Variants in GABBR2 observed in about 807,000 individuals in gnomAD.
GABBR2 encodes the protein gamma-aminobutyric acid type B receptor subunit 2.
In GABBR2, 23 loss-of-function variants were observed where a neutral mutation model predicts 105.6. The ratio of observed to expected loss-of-function variants is 0.22; its 90% CI spans 0.16 to 0.31. The LOEUF (loss-of-function observed/expected upper bound fraction) is 0.31, where lower values mean the gene tolerates loss of function less well. GABBR2 is among the 10% of genes least tolerant of loss of function. The pLI, the probability that GABBR2 is intolerant of heterozygous loss-of-function variation, is 1.00. For missense variants in GABBR2, 734 were observed against 1,245.5 expected, an observed-to-expected ratio of 0.59 and a Z score of 6.18; for synonymous variants, 478 against 499.7, an observed-to-expected ratio of 0.96 and a Z score of 0.58.
At chr9:98,436,282 T>C (rs1588160010) in intron 7 of GABBR2, among the ~76,000 whole-genome samples, 1 of 49,358 alleles carries the variant, frequency 2.0e-5, no homozygotes, top group Non-Finnish European at 3.9e-5. Context: ...ACAACAACCA[T>C]ATATATATAT....
intron 13 of GABBR2, among the ~76,000 whole-genome samples, chr9:98,326,354 A>C (rs10760266): frequency 0.62 from 93,655 of 152,104 alleles, 29,536 homozygotes; most frequent in East Asian, 0.81. Flanking sequence ...GAAGTATTAG[A>C]CCTAATTTAC....
intron 7 of GABBR2, among the ~76,000 whole-genome samples, chr9:98,434,774 C>A (rs1158584567): frequency 6.6e-6 from 1 of 152,198 alleles, no homozygotes; most frequent in Non-Finnish European, 1.5e-5. Context: ...ATGGTGACAG[C>A]CTCCACAAGT....
At chr9:98,427,142 T>A (rs1363592361) in intron 7 of GABBR2, among the ~76,000 whole-genome samples, 2 of 152,168 alleles carry the variant, frequency 1.3e-5, no homozygotes, top group Non-Finnish European at 2.9e-5. Flanking sequence ...GAATGAAGGC[T>A]GTGAGATGTC....
At chr9:98,457,884 T>C (rs745973648) in intron 6 of GABBR2, among the ~76,000 whole-genome samples, 13 of 152,198 alleles carry the variant, frequency 8.5e-5, no homozygotes, top group Non-Finnish European at 1.0e-4. Context: ...CAGAAGAATT[T>C]CTTCCATCGT....
intron 14 of GABBR2, among the ~76,000 whole-genome samples, chr9:98,309,561 T>A (rs1830605016): frequency 6.6e-6 from 1 of 152,122 alleles, no homozygotes; most frequent in African/African-American, 2.4e-5. Flanking sequence ...GGAGATGGAG[T>A]CTGCCTTCCA....
At chr9:98,337,544 A>G (rs569011318) in intron 13 of GABBR2, among the ~76,000 whole-genome samples, 6 of 152,188 alleles carry the variant, frequency 3.9e-5, no homozygotes, top group Non-Finnish European at 7.3e-5. Flanking sequence ...CTTGCAAGAG[A>G]AGAAAAAAAT....
intron 8 of GABBR2, among the ~76,000 whole-genome samples, chr9:98,400,023 A>AC (rs1832363807): frequency 7.0e-6 from 1 of 143,836 alleles, no homozygotes; most frequent in South Asian, 2.2e-4. Context: ...ATGAAAAAAA[A>AC]AAAAAAAAAA....
At chr9:98,577,251 G>C (rs1489869683) in intron 2 of GABBR2, among the ~76,000 whole-genome samples, 1 of 33,688 alleles carries the variant, frequency 3.0e-5, no homozygotes, top group African/African-American at 1.4e-4. Flanking sequence ...ACATGTGTAT[G>C]GGCCACCACT....
intron 1 of GABBR2, among the ~76,000 whole-genome samples, chr9:98,582,051 G>A (rs1456121157): frequency 6.6e-6 from 1 of 152,196 alleles, no homozygotes; most frequent in Non-Finnish European, 1.5e-5. Flanking sequence ...ACCAGAGTGG[G>A]TGTGGCGGGC....
At chr9:98,509,248 C>T (rs1827583729) in intron 3 of GABBR2, among the ~76,000 whole-genome samples, 1 of 152,140 alleles carries the variant, frequency 6.6e-6, no homozygotes, top group African/African-American at 2.4e-5. Flanking sequence ...GAAAGGAAAG[C>T]CACACCAAAA....
Position 98,447,063 on chromosome 9 carries a change from C to CTTTTTTTTTTTTTTT in GABBR2, c.1236+6903_1236+6917dup, listed in dbSNP as rs369338702. Among the ~76,000 whole-genome samples the CTTTTTTTTTTTTTTT allele has an allele frequency of 7.6e-4, 88 of 116,304 alleles. 1 individual carries two copies. The highest frequency in any genetic ancestry group is 2.7e-3 in the African/African-American group (76 of 28,606). 76.3% of individuals were successfully genotyped at this position (116,304 alleles called of 152,430 possible). ...CCCAGATTCAACCTAAAAAAGACTT[C>CTTTTTTTTTTTTTTT]TTTTTTTTTTTTTTTTGAGACGGAG... On this transcript the variant is annotated intron_variant, in intron 7 of 18. Transcript: ENST00000259455.
chr9:98,699,938 C>T (rs1006652298), intron 1 of GABBR2, among the ~76,000 whole-genome samples: 2 of 152,200 alleles, frequency 1.3e-5, no homozygotes, highest in Non-Finnish European at 2.9e-5. Context: ...TTAATTTCCT[C>T]ACCTTCCTAA....
At chr9:98,458,725 C>A (rs1282526308) in intron 6 of GABBR2, among the ~76,000 whole-genome samples, 1 of 152,096 alleles carries the variant, frequency 6.6e-6, no homozygotes, top group Non-Finnish European at 1.5e-5. Context: ...TACAAACAAC[C>A]AAAAGAACAG....
Position 98,306,450 on chromosome 9 carries a change from GCA to G in GABBR2, c.2005-107_2005-106del. ...TGGAGGGTTACTCAGGAGGTGGGCT[GCA>G]GGGAGGGAGGGTCGGGGGCCTTGCT... On this transcript the variant is annotated intron_variant, in intron 14 of 18. Transcript: ENST00000259455. This position sits in a 1 kb window ranked among gnomAD's most constrained non-coding sequence, Gnocchi z 5.4. 2 of 654,444 alleles carry G rather than the reference GCA, an allele frequency of 3.1e-6. No individual in the cohort carries two copies. Among genetic ancestry groups the G allele is most frequent in the Non-Finnish European group, 5.6e-6 (2 of 359,066 alleles). 40.5% of individuals were successfully genotyped at this position (654,444 alleles called of 1,614,324 possible).
chr9:98,415,332 T>A (rs1052722677), intron 7 of GABBR2, among the ~76,000 whole-genome samples: 1 of 152,196 alleles, frequency 6.6e-6, no homozygotes, highest in Non-Finnish European at 1.5e-5. Context: ...AATAGCAATA[T>A]CATCAGCAAT....
At chr9:98,534,157 A>C (rs752784867) in intron 3 of GABBR2, among the ~76,000 whole-genome samples, 1 of 152,234 alleles carries the variant, frequency 6.6e-6, no homozygotes, top group Non-Finnish European at 1.5e-5. Flanking sequence ...GGAGGGCCTG[A>C]AAGGGCAGGT....
intron 1 of GABBR2, among the ~76,000 whole-genome samples, chr9:98,639,113 CA>C (rs1187223327): frequency 6.6e-6 from 1 of 152,222 alleles, no homozygotes; most frequent in Non-Finnish European, 1.5e-5. Context: ...CTGGTTTCTC[CA>C]TACCCCTCAC....
At chr9:98,685,722 T>A (rs921876838) in intron 1 of GABBR2, among the ~76,000 whole-genome samples, 4 of 152,214 alleles carry the variant, frequency 2.6e-5, no homozygotes, top group Non-Finnish European at 5.9e-5. Flanking sequence ...AGACAGGATC[T>A]CACTCTGTTG....
intron 1 of GABBR2, among the ~76,000 whole-genome samples, chr9:98,693,398 G>A (rs1830709383): frequency 6.6e-6 from 1 of 152,224 alleles, no homozygotes; most frequent in Admixed American, 6.5e-5. Flanking sequence ...TCCAGTATCA[G>A]CTATATCTCT....
Sources: gnomAD v4.1 joint callset for allele counts (sites outside exome capture counted in the v4.1 genomes callset) on GRCh38, gnomAD v4.1.1 for gene constraint, Gnocchi (gnomAD v3.1) non-coding constraint, MANE v1.5 for transcripts, NCBI Gene and HGNC (gene_info 2026-07-23, HGNC 2026-07-21) for gene names.